The following EXOC4 variants were observed in gnomAD, a reference collection of about 807,000 sequenced individuals.
EXOC4 encodes the protein exocyst complex component 4, also known as SEC8-like 1.
In EXOC4, 71 loss-of-function variants were observed where a neutral mutation model predicts 107.2. The observed-to-expected ratio is 0.66, with a 90% confidence interval of 0.55 to 0.81. The LOEUF is 0.81. Ranked by LOEUF, EXOC4 falls within the 30% of genes least tolerant of loss-of-function variation. EXOC4 has a pLI of 0.00. For synonymous variants in EXOC4, 456 were observed against 441.2 expected (o/e 1.03, Z -0.42); for missense variants, 1,108 against 1,189.6 (o/e 0.93, Z 1.01).
chr7:133,359,255 C>A (rs371435150), intron 6 of EXOC4, among the ~76,000 whole-genome samples: 5 of 152,090 alleles, frequency 3.3e-5, no homozygotes, highest in African/African-American at 1.2e-4. Flanking sequence ...GGAATTAATT[C>A]TCTTGAATTA....
At chr7:133,594,491 G>GTTTTTTTTTTTTTT (rs1302445068) in intron 9 of EXOC4, among the ~76,000 whole-genome samples, 2 of 23,680 alleles carry the variant, frequency 8.4e-5, no homozygotes, top group African/African-American at 1.7e-4. Flanking sequence ...ATAAGCTTGA[G>GTTTTTTTTTTTTTT]TCTTTTTTTT....
At chr7:133,710,967 G>T (rs1794880545) in intron 10 of EXOC4, among the ~76,000 whole-genome samples, 1 of 150,960 alleles carries the variant, frequency 6.6e-6, no homozygotes, top group Non-Finnish European at 1.5e-5. Flanking sequence ...AATGAGGGAA[G>T]AGATTTTGAG....
At chr7:133,931,700 T>G (rs1800179478) in intron 13 of EXOC4, among the ~76,000 whole-genome samples, 1 of 152,224 alleles carries the variant, frequency 6.6e-6, no homozygotes, top group Admixed American at 6.5e-5. Context: ...GCATTTGAAC[T>G]TATCACACAC....
intron 9 of EXOC4, among the ~76,000 whole-genome samples, chr7:133,490,163 T>C (rs777944576): frequency 5.9e-5 from 9 of 152,168 alleles, no homozygotes; most frequent in Non-Finnish European, 1.3e-4. Context: ...TCTGATACTG[T>C]GTAGTGCCAT....
intron 12 of EXOC4, among the ~76,000 whole-genome samples, chr7:133,908,126 C>G (rs568559977): frequency 6.6e-6 from 1 of 152,320 alleles, no homozygotes; most frequent in Admixed American, 6.5e-5. Flanking sequence ...TTCTCCTACC[C>G]AACTCACTCT....
At chr7:133,362,938 G>A (rs1297767706) in intron 6 of EXOC4, among the ~76,000 whole-genome samples, 2 of 152,168 alleles carry the variant, frequency 1.3e-5, no homozygotes, top group Non-Finnish European at 2.9e-5. Flanking sequence ...TTTGAAGCAA[G>A]GTCAGGCATT....
intron 10 of EXOC4, among the ~76,000 whole-genome samples, chr7:133,779,033 T>G (rs1173898719): frequency 6.6e-6 from 1 of 152,196 alleles, no homozygotes; most frequent in Admixed American, 6.5e-5. Context: ...TTAGAAGATT[T>G]GAGATAATGG....
At chr7:133,579,794 C>T (rs1006701725) in intron 9 of EXOC4, among the ~76,000 whole-genome samples, 11 of 151,950 alleles carry the variant, frequency 7.2e-5, no homozygotes, top group Non-Finnish European at 1.6e-4. Context: ...TCAAGTGATC[C>T]TCCTGCTTCA....
intron 9 of EXOC4, among the ~76,000 whole-genome samples, chr7:133,498,239 T>C (rs1799515749): frequency 1.3e-5 from 2 of 152,234 alleles, no homozygotes; most frequent in Non-Finnish European, 1.5e-5. Flanking sequence ...CACCAGATCC[T>C]ACTGATGCTG....
At chr7:133,855,545 T>A (rs1187227159) in intron 11 of EXOC4, among the ~76,000 whole-genome samples, 1 of 152,052 alleles carries the variant, frequency 6.6e-6, no homozygotes, top group African/African-American at 2.4e-5. Flanking sequence ...AACCTTCAAA[T>A]CTCCACATTC....
At chr7:134,098,442 A>G in the EXOC4 span, among the ~76,000 whole-genome samples, 1 of 152,190 alleles carries the variant, frequency 6.6e-6, no homozygotes, top group Non-Finnish European at 1.5e-5. Flanking sequence ...TCTTGCACAC[A>G]CAGTGCTATT....
chr7:134,033,743 A>G (rs1585338710), intron 17 of EXOC4, among the ~76,000 whole-genome samples: 1 of 152,216 alleles, frequency 6.6e-6, no homozygotes, highest in Admixed American at 6.5e-5. Context: ...ACACAGCCTC[A>G]TGAATTTTCA....
intron 9 of EXOC4, among the ~76,000 whole-genome samples, chr7:133,592,603 C>T (rs536684419): frequency 7.9e-5 from 12 of 151,978 alleles, no homozygotes; most frequent in East Asian, 1.9e-4. Context: ...CCACCATACC[C>T]GGCTATTTTT....
chr7:133,583,109 C>A (rs530773992), intron 9 of EXOC4, among the ~76,000 whole-genome samples: 4 of 152,230 alleles, frequency 2.6e-5, no homozygotes, highest in African/African-American at 9.6e-5. Context: ...CAATATTTTT[C>A]TTTTAGAGTG....
chr7:133,633,131 A>G (rs1802629233), intron 10 of EXOC4, among the ~76,000 whole-genome samples: 1 of 152,208 alleles, frequency 6.6e-6, no homozygotes, highest in Non-Finnish European at 1.5e-5. Context: ...TGGTAGCTGC[A>G]TGGGTTGCAA....
At chr7:133,399,329 G>A (rs1293342109) in intron 7 of EXOC4, among the ~76,000 whole-genome samples, 1 of 151,888 alleles carries the variant, frequency 6.6e-6, no homozygotes, top group Non-Finnish European at 1.5e-5. Flanking sequence ...TATTCATATA[G>A]GAATGTGCAC....
At chr7:133,280,247 A>G (rs187946797) in intron 2 of EXOC4, among the ~76,000 whole-genome samples, 5 of 152,334 alleles carry the variant, frequency 3.3e-5, no homozygotes, top group Admixed American at 6.5e-5. Context: ...GGGCAGTTCT[A>G]TTACTTTTGA....
At chr7:134,059,116 C>T (rs1406064808) in intron 17 of EXOC4, among the ~76,000 whole-genome samples, 2 of 152,140 alleles carry the variant, frequency 1.3e-5, no homozygotes, top group Non-Finnish European at 2.9e-5. Flanking sequence ...GACAGTTCCC[C>T]AGTCAGGGCC....
chr7:133,441,659 C>T (rs944990260), intron 7 of EXOC4, among the ~76,000 whole-genome samples: 1 of 152,150 alleles, frequency 6.6e-6, no homozygotes, highest in Non-Finnish European at 1.5e-5. Context: ...TCCCAAAGTG[C>T]TGGGATTACA....
Sources: gnomAD v4.1 joint callset for allele counts (sites outside exome capture counted in the v4.1 genomes callset) on GRCh38, gnomAD v4.1.1 for gene constraint, MANE v1.5 for transcripts, NCBI Gene and HGNC (gene_info 2026-07-23, HGNC 2026-07-21) for gene names.